Variants in HMCN1 observed in about 807,000 individuals in gnomAD.
The protein encoded by HMCN1 is hemicentin-1.
Under a neutral mutation model 625.9 loss-of-function variants are expected in HMCN1, and 321 were observed. The observed-to-expected ratio is 0.51, with a 90% CI of 0.47 to 0.56. The LOEUF is 0.56. HMCN1 is among the 20% of genes least tolerant of loss of function. HMCN1 has a pLI of 0.00. For missense variants in HMCN1, 6,588 were observed against 6,887.3 expected, an observed-to-expected ratio of 0.96 and a Z score of 1.54; for synonymous variants, 2,425 against 2,417.6, an observed-to-expected ratio of 1.00 and a Z score of -0.09.
At chr1:186,093,290 T>C (rs895911146) in intron 65 of HMCN1, 32 bp downstream of exon 65, 3 of 1,612,946 alleles carry the variant, frequency 1.9e-6, no homozygotes, top group African/African-American at 2.7e-5. Flanking sequence ...CTTTTGATGA[T>C]GCTGCCTTAA....
At chr1:186,145,252 T>A in intron 91 of HMCN1, 151 bp from the exon 92 acceptor site, 1 of 685,496 alleles carries the variant, frequency 1.5e-6, no homozygotes, top group East Asian at 2.8e-5. Context: ...TAAACTATCT[T>A]CCTTTGGAAG....
intron 100 of HMCN1, among the ~76,000 whole-genome samples, chr1:186,169,126 G>A (rs957924654): frequency 4.6e-5 from 7 of 152,048 alleles, no homozygotes; most frequent in East Asian, 1.9e-4. Context: ...ATAGTATTCC[G>A]TGGTGTATAT....
intron 1 of HMCN1, among the ~76,000 whole-genome samples, chr1:185,786,769 C>A (rs945125974): frequency 2.6e-5 from 4 of 152,180 alleles, no homozygotes; most frequent in African/African-American, 4.8e-5. Flanking sequence ...AAAACTGTTG[C>A]ATTTTCCCCA....
At chr1:185,818,532 A>G (rs1339216205) in intron 1 of HMCN1, among the ~76,000 whole-genome samples, 4 of 152,194 alleles carry the variant, frequency 2.6e-5, no homozygotes, top group African/African-American at 9.6e-5. Context: ...ATAATTTTTC[A>G]GATGTGAATT....
At chr1:185,794,685 T>A (rs1210022672) in intron 1 of HMCN1, among the ~76,000 whole-genome samples, 2 of 149,834 alleles carry the variant, frequency 1.3e-5, no homozygotes, top group Non-Finnish European at 1.5e-5. Context: ...AGATTAAGTA[T>A]GGGTCTGCCT....
At chr1:185,811,354 T>C (rs1659502620) in intron 1 of HMCN1, among the ~76,000 whole-genome samples, 1 of 152,018 alleles carries the variant, frequency 6.6e-6, no homozygotes, top group African/African-American at 2.4e-5. Flanking sequence ...CACATCACAG[T>C]CTACTTGAAA....
chr1:186,000,452 A>G (rs540079542), intron 26 of HMCN1, among the ~76,000 whole-genome samples: 1 of 152,064 alleles, frequency 6.6e-6, no homozygotes, highest in South Asian at 2.1e-4. Context: ...CAAATGGTAG[A>G]AAAAGATACA....
In HMCN1 at chr1:186,137,970, C is replaced by T; in HGVS notation, c.13922C>T (p.Pro4641Leu). The T allele has an allele frequency of 6.2e-7, 1 of 1,613,900 alleles. No homozygotes were observed. The highest frequency in any genetic ancestry group is 1.1e-5 in the South Asian group (1 of 91,084). ...ATTATGTGCAACATTAGGCCTTGCCCAGGTGAGAAACCACCAATAATGCTA... is the reference window on the plus strand; with the variant it reads ...ATTATGTGCAACATTAGGCCTTGCCTAGGTGAGAAACCACCAATAATGCTA... The part of the protein sequence containing the change: ...EIIMCNIRPC[P>L]VHGAWSAWQP... The change falls in exon 89 of 107, where the codon CCA becomes CTA. Residue 4641 changes from proline (P) to leucine (L), a missense_variant and splice_region_variant. Transcript: ENST00000271588.
Position 185,990,332 on chromosome 1 carries a change from T to A in HMCN1, c.3266T>A (p.Ile1089Asn). The change falls in exon 22 of 107, where the codon ATC (isoleucine) becomes AAC (asparagine). Residue 1089 changes from isoleucine (I) to asparagine (N), a missense_variant. By Grantham distance (149) the Ile-to-Asn change is moderately radical. This residue lies in a region of HMCN1 where 4,628 missense variants were observed against 4,853.1 expected (regional missense o/e 0.95). Coordinates refer to ENST00000271588, the MANE Select transcript of HMCN1 (RefSeq NM_031935.3). ...RGLSQDKPVE[I>N]SVLAGEEVTL... ...CTGTCCCAGGATAAGCCTGTTGAGA[T>A]CTCCGTCCTTGCAGGGGAAGAGGTA... is the stretch of plus-strand genomic sequence containing the variant. 1 of 1,613,978 alleles carries A rather than the reference T, an allele frequency of 6.2e-7. No homozygotes were observed. The highest frequency in any genetic ancestry group is 8.5e-7 in the Non-Finnish European group (1 of 1,179,874).
chr1:186,131,046 G>A (rs991909293), intron 85 of HMCN1, among the ~76,000 whole-genome samples: 1 of 152,072 alleles, frequency 6.6e-6, no homozygotes, highest in African/African-American at 2.4e-5. Context: ...AACTATATTA[G>A]GCTTTTCCAA....
At chr1:185,883,447 T>C (rs1167309675) in intron 4 of HMCN1, among the ~76,000 whole-genome samples, 1 of 152,076 alleles carries the variant, frequency 6.6e-6, no homozygotes, top group Non-Finnish European at 1.5e-5. Flanking sequence ...TGACAACTGA[T>C]TTGTTTTCCT....
intron 45 of HMCN1, among the ~76,000 whole-genome samples, 189 bp from the exon 46 acceptor site, chr1:186,057,031 TCACACACACACACA>T (rs59926356): frequency 6.8e-6 from 1 of 147,934 alleles, no homozygotes; most frequent in Non-Finnish European, 1.5e-5. Context: ...TCCAGGAATG[TCACACACACACACA>T]CACACACACA....
At chr1:186,120,591 A>G (rs1661354169) in intron 80 of HMCN1, among the ~76,000 whole-genome samples, 1 of 152,214 alleles carries the variant, frequency 6.6e-6, no homozygotes, top group Admixed American at 6.5e-5. Context: ...AACTTAACTG[A>G]TATTTTCTTG....
chr1:185,947,214 G>A (rs1225313161), intron 11 of HMCN1, among the ~76,000 whole-genome samples: 2 of 152,236 alleles, frequency 1.3e-5, no homozygotes, highest in Non-Finnish European at 2.9e-5. Flanking sequence ...GTAGTTTAGG[G>A]TTGTCCAATA....
chr1:186,069,778 T>G lies in HMCN1; in HGVS notation c.7993+2T>G. On this transcript the variant is annotated splice_donor_variant, in intron 51 of 106. Transcript: ENST00000271588. LOFTEE classifies it high-confidence loss of function. ...AGCACTATGAAGTGAAGGTGTACAG[T>G]AAGTTCTGAAAGAATACTATGTTTC... The G allele has an allele frequency of 6.3e-7, 1 of 1,594,908 alleles. No homozygotes were observed. The highest frequency in any genetic ancestry group is 8.6e-7 in the Non-Finnish European group (1 of 1,163,574).
At chr1:185,975,428 A>G (rs1416093063) in intron 15 of HMCN1, among the ~76,000 whole-genome samples, 1 of 152,056 alleles carries the variant, frequency 6.6e-6, no homozygotes, top group East Asian at 1.9e-4. Context: ...GCAAAGGGGG[A>G]GGTGATACAC....
chr1:186,065,535 A>G, intron 49 of HMCN1, 106 bp downstream of exon 49: 1 of 764,638 alleles, frequency 1.3e-6, no homozygotes. Context: ...GAATTTCATC[A>G]TGTAAGGAGG....
At chr1:185,858,653 G>T (rs1662647287) in intron 2 of HMCN1, among the ~76,000 whole-genome samples, 2 of 100,764 alleles carry the variant, frequency 2.0e-5, no homozygotes, top group African/African-American at 3.7e-5. Flanking sequence ...GATTTCCTCT[G>T]TTGCACAGGC....
intron 1 of HMCN1, among the ~76,000 whole-genome samples, chr1:185,780,352 C>T (rs1465327387): frequency 1.3e-5 from 2 of 152,138 alleles, no homozygotes; most frequent in Non-Finnish European, 2.9e-5. Flanking sequence ...TTTCTCCTGC[C>T]TAATTGCCCT....
Sources: gnomAD v4.1 joint callset for allele counts (sites outside exome capture counted in the v4.1 genomes callset) on GRCh38, gnomAD v4.1.1 for gene constraint, gnomAD v4.1.1 regional missense constraint, MANE v1.5 for transcripts, NCBI Gene and HGNC (gene_info 2026-07-23, HGNC 2026-07-21) for gene names.